The following UBXN2B variants were observed in gnomAD, a reference collection of about 807,000 sequenced individuals.
UBXN2B encodes UBX domain-containing protein 2B.
Under a neutral mutation model 37.5 loss-of-function variants are expected in UBXN2B, and 19 were observed. The observed-to-expected ratio is 0.51, with a 90% CI of 0.35 to 0.74. The LOEUF (loss-of-function observed/expected upper bound fraction) is 0.74. Among genes scored for constraint, UBXN2B ranks in the 30% least tolerant of loss-of-function variants. The pLI is 0.01. For synonymous variants in UBXN2B, 145 were observed against 143.8 expected, an observed-to-expected ratio of 1.01 and a Z score of -0.06; for missense variants, 370 against 393.2, an observed-to-expected ratio of 0.94 and a Z score of 0.50.
At chr8:58,423,081 T>TCAA (rs1285937931) in intron 2 of UBXN2B, among the ~76,000 whole-genome samples, 1 of 36,722 alleles carries the variant, frequency 2.7e-5, no homozygotes, top group African/African-American at 1.4e-4. Flanking sequence ...TGAGACGAAA[T>TCAA]CATCATCATC....
At chr8:58,443,636 TC>T (rs869105676) in intron 6 of UBXN2B, among the ~76,000 whole-genome samples, 2,912 of 55,224 alleles carry the variant, frequency 0.053, 70 homozygotes, top group East Asian at 0.21. Flanking sequence ...CTACTAAAAA[TC>T]CAAAAAAAAA....
intron 5 of UBXN2B, among the ~76,000 whole-genome samples, chr8:58,439,423 C>G (rs926053048): frequency 6.6e-6 from 1 of 152,088 alleles, no homozygotes; most frequent in Non-Finnish European, 1.5e-5. Flanking sequence ...ACCAAAGCAT[C>G]CCTATGTTGA....
intron 5 of UBXN2B, among the ~76,000 whole-genome samples, chr8:58,435,325 G>A (rs774190191): frequency 7.2e-5 from 11 of 152,238 alleles, no homozygotes; most frequent in Middle Eastern, 3.4e-3. Context: ...GGTTAAATTC[G>A]TCTTTTAGAA....
chr8:58,437,954 C>G (rs1329687659), intron 5 of UBXN2B, among the ~76,000 whole-genome samples: 3 of 151,254 alleles, frequency 2.0e-5, no homozygotes, highest in Admixed American at 1.3e-4. Flanking sequence ...AAGGCAGCCC[C>G]CCCCCCAACC....
At chr8:58,424,344 A>G (rs1246063368) in intron 2 of UBXN2B, among the ~76,000 whole-genome samples, 2 of 152,192 alleles carry the variant, frequency 1.3e-5, no homozygotes, top group Non-Finnish European at 2.9e-5. Context: ...TATAATGTCT[A>G]CATAGTAGAG....
chr8:58,436,460 G>A (rs1211489846), intron 5 of UBXN2B, among the ~76,000 whole-genome samples: 3 of 152,240 alleles, frequency 2.0e-5, no homozygotes. Context: ...CAAATCTCCT[G>A]TTGCAGTGCA....
intron 2 of UBXN2B, among the ~76,000 whole-genome samples, chr8:58,423,878 C>T (rs544271155): frequency 3.0e-4 from 46 of 151,742 alleles, no homozygotes; most frequent in African/African-American, 1.0e-3. Flanking sequence ...ATATGGCAAA[C>T]GTTTTCCCAC....
Position 58,451,079 on chromosome 8 carries a change from A to G in UBXN2B, c.*3528A>G, listed in dbSNP as rs11752. The stretch of plus-strand genomic sequence containing the variant: ...AAATGATTTCTTAAAAGAATTGAAC[A>G]TTGTAAATCAAAGGGCATTGTCCTG... On this transcript the variant is annotated 3_prime_UTR_variant, in exon 8 of 8. Coordinates refer to ENST00000399598, the MANE Select transcript of UBXN2B (RefSeq NM_001077619.2). The G allele has an allele frequency of 1.3e-5, 2 of 152,768 alleles. No homozygotes were observed. Among genetic ancestry groups the G allele is most frequent in the African/African-American group, 2.4e-5 (1 of 41,588 alleles). The allele number at this position is 152,768 out of a possible 1,614,324, so 9.5% of individuals were successfully genotyped here.
chr8:58,432,375 C>CG (rs1554552059), intron 3 of UBXN2B, among the ~76,000 whole-genome samples: 3 of 81,506 alleles, frequency 3.7e-5, no homozygotes, highest in Middle Eastern at 0.011. Context: ...TTCTAAATTT[C>CG]TTTTTTTTTT....
intron 2 of UBXN2B, among the ~76,000 whole-genome samples, chr8:58,421,174 C>CT (rs1335649322): frequency 6.6e-6 from 1 of 152,160 alleles, no homozygotes; most frequent in Non-Finnish European, 1.5e-5. Flanking sequence ...ATTTTCTTGA[C>CT]TGTTTCCCCG....
rs543178362 is a variant in UBXN2B, at chr8:58,425,585, A to G, written c.189-4934A>G. 7.1e-5 allele frequency: 75 copies of G among 1,057,646 alleles called. 2 individuals carry two copies. In the South Asian group the frequency reaches 9.4e-4, roughly 13 times the overall value. The allele number at this position is 1,057,646 out of a possible 1,614,324, so 65.5% of individuals were successfully genotyped here. On this transcript the variant is annotated intron_variant, in intron 2 of 7. Transcript: ENST00000399598. ...TGCCTTTTACCCTCTTTTCGGCCGTAGAGAAGTATGCACTCCTGTTGTTGT... is the reference window on the plus strand; with the variant it reads ...TGCCTTTTACCCTCTTTTCGGCCGTGGAGAAGTATGCACTCCTGTTGTTGT...
chr8:58,432,124 T>C (rs978687462), intron 3 of UBXN2B, among the ~76,000 whole-genome samples: 15 of 152,226 alleles, frequency 9.9e-5, no homozygotes, highest in African/African-American at 3.6e-4. Context: ...TTTTCTTTTA[T>C]GGATCATGCT....
At chr8:58,434,362 T>C (rs1204792224) in intron 4 of UBXN2B, 33 bp from the exon 5 acceptor site, 2 of 585,912 alleles carry the variant, frequency 3.4e-6, no homozygotes, top group Admixed American at 4.7e-5. Context: ...TATATATATA[T>C]ATATATATTT....
Position 58,448,173 on chromosome 8 carries a change from C to CTTTTTT in UBXN2B, c.*634_*639dup, listed in dbSNP as rs71248196. 1.5e-5 allele frequency: 2 copies of CTTTTTT among 133,644 alleles called. No individual in the cohort carries two copies. Among genetic ancestry groups the CTTTTTT allele is most frequent in the South Asian group, 2.4e-4 (1 of 4,210 alleles). The allele number at this position is 133,644 out of a possible 1,614,324, so 8.3% of individuals were successfully genotyped here. A position where few individuals can be genotyped will look rare whatever the true frequency, so the allele number is the denominator to read the frequency against. ...CAGAAACACATAAAGGTCAGCAATTCTTTTTTTTTTTTTTTTTGATATGGA... is the reference window on the plus strand; with the variant it reads ...CAGAAACACATAAAGGTCAGCAATTCTTTTTTTTTTTTTTTTTTTTTTTGATATGGA... On this transcript the variant is annotated 3_prime_UTR_variant, in exon 8 of 8. Transcript: ENST00000399598.
At chr8:58,427,921 T>C (rs1808145335) in intron 2 of UBXN2B, among the ~76,000 whole-genome samples, 1 of 151,994 alleles carries the variant, frequency 6.6e-6, no homozygotes, top group Non-Finnish European at 1.5e-5. Flanking sequence ...CTCAGTAAAA[T>C]AGAGAAGGAG....
At chr8:58,444,223 T>C (rs1808617829) in intron 6 of UBXN2B, among the ~76,000 whole-genome samples, 1 of 152,142 alleles carries the variant, frequency 6.6e-6, no homozygotes. Flanking sequence ...AATAGGAATA[T>C]TGGGGGTAAC....
intron 2 of UBXN2B, among the ~76,000 whole-genome samples, chr8:58,419,245 G>A (rs1807863598): frequency 6.6e-6 from 1 of 152,198 alleles, no homozygotes; most frequent in African/African-American, 2.4e-5. Context: ...CTAATGCTAA[G>A]TGTATACTTC....
intron 6 of UBXN2B, among the ~76,000 whole-genome samples, chr8:58,440,997 CTT>C (rs201097674): frequency 5.6e-5 from 8 of 143,546 alleles, no homozygotes; most frequent in Admixed American, 7.0e-5. Context: ...CTTTCTTTCT[CTT>C]TTTTTTTTTT....
chr8:58,426,211 T>TA (rs1256827782), intron 2 of UBXN2B: 7 of 655,878 alleles, frequency 1.1e-5, no homozygotes, highest in Non-Finnish European at 1.9e-5. Context: ...TCTTTTTTTT[T>TA]TTTTTTTTTT....
Sources: allele counts gnomAD v4.1 joint callset (sites outside exome capture counted in the v4.1 genomes callset), GRCh38; gene constraint gnomAD v4.1.1; transcripts MANE v1.5; gene names NCBI Gene and HGNC (gene_info 2026-07-23, HGNC 2026-07-21).